The following SCARF1 variants were observed in gnomAD, a reference collection of about 807,000 sequenced individuals.
SCARF1 encodes acetyl LDL receptor.
Under a neutral mutation model 76.3 loss-of-function variants are expected in SCARF1, and 49 were observed. That is an observed-to-expected ratio of 0.64 (90% CI 0.51 to 0.81). The LOEUF is 0.81. Among genes scored for constraint, SCARF1 ranks in the 40% least tolerant of loss-of-function variants. The probability of loss-of-function intolerance (pLI) is 0.00; values close to 1 mark genes in which losing one functional copy is unlikely to be tolerated. For synonymous variants in SCARF1, 495 were observed against 474.6 expected (o/e 1.04, Z -0.56); for missense variants, 1,098 against 1,143.9 (o/e 0.96, Z 0.58).
rs796515063 is a variant in SCARF1, at chr17:1,640,342, C to A, written c.1010+106G>T. 3 of 1,087,296 alleles carry A rather than the reference C, an allele frequency of 2.8e-6. No homozygotes were observed. The South Asian group carries it at 4.6e-5, about 17-fold the overall frequency. 67.4% of individuals were successfully genotyped at this position (1,087,296 alleles called of 1,614,324 possible). On this transcript the variant is annotated intron_variant, in intron 5 of 10. Transcript: ENST00000263071. This position sits in a 1 kb window ranked among gnomAD's most constrained non-coding sequence, Gnocchi z 4.7. ...TTCAACAGGAGGGAGGCCCCTGGGG[C>A]CGCATGAACCTGTGTGTCGGGGAGG...
intron 10 of SCARF1, among the ~76,000 whole-genome samples, chr17:1,636,423 G>A (rs1030014152): frequency 8.5e-5 from 13 of 152,200 alleles, no homozygotes; most frequent in African/African-American, 3.1e-4. Flanking sequence ...TCACGATCCT[G>A]GCTAACACGG....
At chr17:1,639,879 G>A (rs1483461445) in intron 6 of SCARF1, 33 bp downstream of exon 6, 2 of 1,611,518 alleles carry the variant, frequency 1.2e-6, no homozygotes, top group East Asian at 2.2e-5. Flanking sequence ...TAGGCCCCTG[G>A]CACTCTCCCG....
chr17:1,635,560 AAAGCACCTGCAGCCAGGCTGGCCTCTG>A lies in SCARF1; in HGVS notation c.1664_1690del (p.Ser555_Ala563del). 6.2e-7 allele frequency: 1 copy of A among 1,610,844 alleles called. No homozygotes were observed. Among genetic ancestry groups the A allele is most frequent in the Non-Finnish European group, 8.5e-7 (1 of 1,179,986 alleles). On this transcript the variant is annotated inframe_deletion, in exon 11 of 11. Coordinates refer to ENST00000263071, the MANE Select transcript of SCARF1 (RefSeq NM_003693.4). ...CGTGGAGGCGTCCTCAGGGGGCGGG[AAAGCACCTGCAGCCAGGCTGGCCTCTG>A]ACGACCCTGCCTGGGCCACAGGGAC...
rs372008417 is a variant in SCARF1, at chr17:1,639,895, G to A, written c.1139+17C>T. 89 of 1,612,308 alleles carry A rather than the reference G, an allele frequency of 5.5e-5. No individual in the cohort carries two copies. Among genetic ancestry groups the A allele is most frequent in the African/African-American group, 1.2e-4 (9 of 74,890 alleles). On this transcript the variant is annotated intron_variant, in intron 6 of 10. Coordinates refer to ENST00000263071, the MANE Select transcript of SCARF1 (RefSeq NM_003693.4). Reference sequence around the variant, plus strand: ...AGGCCCCTGGCACTCTCCCGCCCCCGGGATCCCCATCCTTACCTGGGCCCC... The same window carrying A: ...AGGCCCCTGGCACTCTCCCGCCCCCAGGATCCCCATCCTTACCTGGGCCCC...
chr17:1,643,461 C>G lies in SCARF1; in HGVS notation c.772G>C (p.Gly258Arg), dbSNP rs906406956. The G allele has an allele frequency of 3.5e-5, 45 of 1,293,928 alleles. No individual in the cohort carries two copies. The highest frequency in any genetic ancestry group is 4.4e-5 in the Non-Finnish European group (45 of 1,026,238). 80.2% of individuals were successfully genotyped at this position (1,293,928 alleles called of 1,614,324 possible). A position where few individuals can be genotyped will look rare whatever the true frequency, so the allele number is the denominator to read the frequency against. Residue 258 changes from glycine (G) to arginine (R), a missense_variant, in exon 4 of 11, where the codon GGG becomes CGG. Gly to Arg is a moderately radical substitution (Grantham distance 125, BLOSUM62 -2). Transcript: ENST00000263071. ...GCTCACCTGTGTGCGCACTGCACCC[C>G]GTGGCTGCCTGCCGGGCAGGGCAGC... ...CELPCPAGSH[G>R]VQCAHSCGRC...
chr17:1,637,065 G>A lies in SCARF1; in HGVS notation c.1365-3C>T. ...CGGTAGCTCCATCTCTCGCTGGCCT[G>A]AGGGAGGAGGGTAGGGACACTGGTC... On this transcript the variant is annotated splice_region_variant and splice_polypyrimidine_tract_variant and intron_variant, in intron 8 of 10. Coordinates refer to ENST00000263071, the MANE Select transcript of SCARF1 (RefSeq NM_003693.4). 1 of 1,613,832 alleles carries A rather than the reference G, an allele frequency of 6.2e-7. No homozygotes were observed. Among genetic ancestry groups the A allele is most frequent in the African/African-American group, 1.3e-5 (1 of 75,026 alleles).
chr17:1,637,586 C>T (rs1025913397), intron 8 of SCARF1, among the ~76,000 whole-genome samples: 1 of 152,110 alleles, frequency 6.6e-6, no homozygotes, highest in Non-Finnish European at 1.5e-5. Flanking sequence ...GATTCTCCTG[C>T]CTCAGCCTCC....
At position 1,643,805 on chromosome 17, in the gene SCARF1, G is replaced by T. The variant is rs1910300444; in HGVS notation, c.428C>A (p.Pro143His). 8.7e-6 allele frequency: 11 copies of T among 1,266,628 alleles called. No individual in the cohort carries two copies. The highest frequency in any genetic ancestry group is 9.9e-6 in the Non-Finnish European group (10 of 1,009,406). 78.5% of individuals were successfully genotyped at this position (1,266,628 alleles called of 1,614,324 possible). A position where few individuals can be genotyped will look rare whatever the true frequency, so the allele number is the denominator to read the frequency against. Residue 143 changes from proline to histidine, a missense_variant, in exon 4 of 11, where the codon CCC becomes CAC. Physicochemically the swap from Pro to His is moderately conservative, Grantham distance 77. Transcript: ENST00000263071. ...CACGPHGRCD[P>H]ATGVCHCEPG... ...TTCGCAGTGGCACACGCCGGTCGCG[G>T]GGTCGCAGCGCCCGTGGGGGCCGCA... is the stretch of plus-strand genomic sequence containing the variant.
rs757914652 is a variant in SCARF1, at chr17:1,645,634, G to A, written c.64C>T (p.Leu22=). 82 of 1,608,320 alleles carry A rather than the reference G, an allele frequency of 5.1e-5. 2 individuals are homozygous for A. In the South Asian group the frequency reaches 8.9e-4, roughly 18 times the overall value. The change falls in exon 1 of 11, where the codon CTG becomes TTG. Residue 22 remains leucine, a synonymous_variant. Transcript: ENST00000263071. This position sits in a 1 kb window ranked among gnomAD's most constrained non-coding sequence, Gnocchi z 6.3. ...LWTRGTQGSE[L]DPKGQHVCVA... ...CAGACGTGCTGCCCTTTGGGGTCCAGCTCGGACCCCTGAGTCCCCCGAGTC... is the reference window on the plus strand; with the variant it reads ...CAGACGTGCTGCCCTTTGGGGTCCAACTCGGACCCCTGAGTCCCCCGAGTC...
Position 1,634,809 on chromosome 17 carries a change from C to T in SCARF1, c.2442G>A (p.Glu814=), listed in dbSNP as rs1165232692. The change falls in exon 11 of 11, where the codon GAG becomes GAA. Residue 814 remains glutamate (E), a synonymous_variant. Transcript: ENST00000263071. ...PQKQAEEERQ[E]EPEYENVVPI... ...GTACAACATTCTCATACTCAGGTTC[C>T]TCCTGCCTTTCCTCTTCAGCCTGCT... is the stretch of plus-strand genomic sequence containing the variant. 2 of 1,612,906 alleles carry T rather than the reference C, an allele frequency of 1.2e-6. No individual in the cohort carries two copies. The highest frequency in any genetic ancestry group is 1.3e-5 in the African/African-American group (1 of 74,974).
rs1827169515 is a variant in SCARF1 at position 1,643,516 on chromosome 17, G to A, written c.717C>T (p.Cys239=). Residue 239 remains cysteine, a synonymous_variant, in exon 4 of 11, where the codon TGC becomes TGT. Coordinates refer to ENST00000263071, the MANE Select transcript of SCARF1 (RefSeq NM_003693.4). ...AGCGCGCTCCGCGGAAGCCGGGCGGGCAGGTGCACTCGCCGGAGGCGGCGC... is the reference window on the plus strand; with the variant it reads ...AGCGCGCTCCGCGGAAGCCGGGCGGACAGGTGCACTCGCCGGAGGCGGCGC... The part of the protein sequence containing the change: ...RCSAASGECT[C]PPGFRGARCE... 2.9e-6 allele frequency: 4 copies of A among 1,372,576 alleles called. No homozygotes were observed. The highest frequency in any genetic ancestry group is 3.7e-6 in the Non-Finnish European group (4 of 1,067,824). The allele number at this position is 1,372,576 out of a possible 1,614,324, so 85.0% of individuals were successfully genotyped here.
intron 10 of SCARF1, among the ~76,000 whole-genome samples, chr17:1,636,033 G>C (rs1204401883): frequency 6.6e-6 from 1 of 152,096 alleles, no homozygotes; most frequent in Non-Finnish European, 1.5e-5. Context: ...CTGGGCCTTT[G>C]TGTATGCTGT....
chr17:1,636,663 G>A (rs1353429871), intron 10 of SCARF1, 46 bp downstream of exon 10: 2 of 1,590,044 alleles, frequency 1.3e-6, no homozygotes, highest in Non-Finnish European at 1.7e-6. Flanking sequence ...AGGGGGTCGT[G>A]GTGGGCAGGG....
intron 4 of SCARF1, among the ~76,000 whole-genome samples, chr17:1,641,880 C>A (rs1411381655): frequency 6.6e-6 from 1 of 152,188 alleles, no homozygotes. Context: ...CAACACCATG[C>A]CCGGCTAATT....
At chr17:1,638,546 GGT>G (rs772786642) in intron 8 of SCARF1, 47 of 317,322 alleles carry the variant, frequency 1.5e-4, no homozygotes, top group Middle Eastern at 8.5e-4. Flanking sequence ...CAGCTGACCC[GGT>G]GTCTCCAGTG....
At chr17:1,636,637 T>A (rs1272839988) in intron 10 of SCARF1, 72 bp downstream of exon 10, 1 of 1,526,596 alleles carries the variant, frequency 6.6e-7, no homozygotes, top group African/African-American at 1.4e-5. Context: ...TAAATAACTT[T>A]GCTGGAGGAC....
rs373829585 is a variant in SCARF1, at chr17:1,645,714, G to C, written c.-17C>G. ...CAGCCCCATGGCAGGCAGCTCGGTG[G>C]GAGCGCTCGGGTTCGTCTGGCCCCC... is the stretch of plus-strand genomic sequence containing the variant. On this transcript the variant is annotated 5_prime_UTR_variant, in exon 1 of 11. Coordinates refer to ENST00000263071, the MANE Select transcript of SCARF1 (RefSeq NM_003693.4). This position sits in a 1 kb window ranked among gnomAD's most constrained non-coding sequence, Gnocchi z 6.3. 2.5e-6 allele frequency: 4 copies of C among 1,579,702 alleles called. No individual in the cohort carries two copies. The highest frequency in any genetic ancestry group is 3.4e-6 in the Non-Finnish European group (4 of 1,166,962).
rs199498452 is a variant in SCARF1 at position 1,640,068 on chromosome 17, G to C, written c.1011-28C>G. The C allele has an allele frequency of 6.2e-7, 1 of 1,610,026 alleles. No homozygotes were observed. Among genetic ancestry groups the C allele is most frequent in the Non-Finnish European group, 8.5e-7 (1 of 1,178,376 alleles). On this transcript the variant is annotated intron_variant, in intron 5 of 10. Coordinates refer to ENST00000263071, the MANE Select transcript of SCARF1 (RefSeq NM_003693.4). The surrounding 1 kb of genome is among the most constrained non-coding windows in gnomAD (Gnocchi z 4.7). ...GGGGTGAGGCAAGACTCGGGGAAGG[G>C]GAGACCAAGGCAGGCCTGGCCCCCA...
chr17:1,637,076 G>A lies in SCARF1; in HGVS notation c.1365-14C>T, dbSNP rs1393159401. The A allele has an allele frequency of 6.2e-7, 1 of 1,613,408 alleles. No individual in the cohort carries two copies. Among genetic ancestry groups the A allele is most frequent in the Non-Finnish European group, 8.5e-7 (1 of 1,179,964 alleles). On this transcript the variant is annotated splice_polypyrimidine_tract_variant and intron_variant, in intron 8 of 10. Transcript: ENST00000263071. ...TCTCTCGCTGGCCTGAGGGAGGAGG[G>A]TAGGGACACTGGTCAGTACATGAGA...
Sources: allele counts gnomAD v4.1 joint callset (sites outside exome capture counted in the v4.1 genomes callset), GRCh38; gene constraint gnomAD v4.1.1; non-coding constraint Gnocchi (gnomAD v3.1); transcripts MANE v1.5; gene names NCBI Gene and HGNC (gene_info 2026-07-23, HGNC 2026-07-21).